Variants in CNTN6 observed in about 807,000 individuals in gnomAD.
The protein encoded by CNTN6 is contactin-6.
Under a neutral mutation model 122.8 loss-of-function variants are expected in CNTN6, and 137 were observed. The ratio of observed to expected loss-of-function variants is 1.12; its 90% CI spans 0.97 to 1.29. The LOEUF (loss-of-function observed/expected upper bound fraction) is 1.29, where lower values mean the gene tolerates loss of function less well. CNTN6 is among the 50% of genes most tolerant of loss of function. The pLI is 0.00. For missense variants in CNTN6, 1,634 were observed against 1,223.4 expected (o/e 1.34, Z -5.01); for synonymous variants, 570 against 426.0 (o/e 1.34, Z -4.16).
chr3:1,400,250 A>C (rs756759781), intron 20 of CNTN6, among the ~76,000 whole-genome samples: 19 of 152,106 alleles, frequency 1.2e-4, no homozygotes, highest in Non-Finnish European at 2.4e-4. Flanking sequence ...ATATCTCTCC[A>C]GTTTCAATCT....
chr3:1,147,928 C>CAAA lies in CNTN6; in HGVS notation c.-81_-80insAAA. 2.1e-6 allele frequency: 2 copies of CAAA among 944,466 alleles called. No homozygotes were observed. The highest frequency in any genetic ancestry group is 3.4e-6 in the Non-Finnish European group (2 of 594,880). 58.5% of individuals were successfully genotyped at this position (944,466 alleles called of 1,614,324 possible). On this transcript the variant is annotated splice_region_variant and 5_prime_UTR_variant, in exon 2 of 23. Transcript: ENST00000446702. Reference sequence around the variant, plus strand: ...TCATGACAATTTTGTCTTTTTCAGACTCTTGAGATACTGACTGGAAGATAG... The same window carrying CAAA: ...TCATGACAATTTTGTCTTTTTCAGACAAATCTTGAGATACTGACTGGAAGATAG...
intron 2 of CNTN6, among the ~76,000 whole-genome samples, chr3:1,202,498 G>A (rs1446668232): frequency 3.3e-5 from 5 of 150,744 alleles, no homozygotes; most frequent in East Asian, 3.9e-4. Flanking sequence ...CCAAGATGGC[G>A]CCACCGCCCT....
In CNTN6 at chr3:1,148,021, T is replaced by C. The variant is rs761068479; in HGVS notation, c.13T>C (p.Trp5Arg). ...TTAGAAAGTGGAAATGAGGTTGCTA[T>C]GGAAACTGGTAATTCTGCTGCCACT... is the stretch of plus-strand genomic sequence containing the variant. MRLL[W>R]KLVILLPLIN... The change falls in exon 2 of 23, where the codon TGG becomes CGG. Residue 5 changes from tryptophan to arginine, a missense_variant. Trp to Arg is a moderately radical substitution (Grantham distance 101). Transcript: ENST00000446702. 4.4e-6 allele frequency: 7 copies of C among 1,607,580 alleles called. No individual in the cohort carries two copies. The Admixed American group carries it at 5.0e-5, about 11-fold the overall frequency.
intron 2 of CNTN6, among the ~76,000 whole-genome samples, chr3:1,193,553 C>T (rs2125396047): frequency 6.6e-6 from 1 of 152,192 alleles, no homozygotes. Flanking sequence ...AATGGATGTT[C>T]CTGCATATTA....
intron 7 of CNTN6, among the ~76,000 whole-genome samples, chr3:1,307,647 G>A (rs979236925): frequency 1.3e-5 from 2 of 151,816 alleles, no homozygotes; most frequent in South Asian, 2.1e-4. Flanking sequence ...ATATTACATC[G>A]AGTTTTCTTG....
chr3:1,129,415 C>A (rs1162710433), intron 1 of CNTN6, among the ~76,000 whole-genome samples: 1 of 151,968 alleles, frequency 6.6e-6, no homozygotes, highest in African/African-American at 2.4e-5. Context: ...AAGTGAAATA[C>A]AGAAATTGTA....
chr3:1,353,851 G>A (rs1706085212), intron 12 of CNTN6, among the ~76,000 whole-genome samples: 2 of 151,542 alleles, frequency 1.3e-5, no homozygotes, highest in African/African-American at 4.8e-5. Flanking sequence ...AATCCAGAGG[G>A]CATTAAAACG....
intron 22 of CNTN6, among the ~76,000 whole-genome samples, 187 bp from the exon 23 acceptor site, chr3:1,403,131 A>G (rs1241621973): frequency 6.6e-6 from 1 of 152,138 alleles, no homozygotes; most frequent in Admixed American, 6.6e-5. Context: ...TTATACTTAA[A>G]TCAGATGTCC....
chr3:1,146,670 A>G (rs1055311717), intron 1 of CNTN6, among the ~76,000 whole-genome samples: 1 of 152,110 alleles, frequency 6.6e-6, no homozygotes, highest in Non-Finnish European at 1.5e-5. Flanking sequence ...AAAGGTAGAA[A>G]TGAAGGATTT....
intron 4 of CNTN6, among the ~76,000 whole-genome samples, chr3:1,275,912 G>T (rs2125778097): frequency 6.6e-6 from 1 of 152,254 alleles, no homozygotes; most frequent in East Asian, 1.9e-4. Context: ...TTTTGGGATT[G>T]GAGATCCCTG....
At chr3:1,306,108 C>A (rs1262128316) in intron 7 of CNTN6, among the ~76,000 whole-genome samples, 1 of 152,106 alleles carries the variant, frequency 6.6e-6, no homozygotes, top group African/African-American at 2.4e-5. Context: ...ACTCAGGTAT[C>A]TTAATGATTT....
chr3:1,353,572 T>G (rs1364349443), intron 12 of CNTN6, among the ~76,000 whole-genome samples: 1 of 151,736 alleles, frequency 6.6e-6, no homozygotes, highest in South Asian at 2.1e-4. Context: ...AAGACAGAGA[T>G]GGACTTAAGT....
At chr3:1,095,572 A>T (rs1198139525) in intron 1 of CNTN6, among the ~76,000 whole-genome samples, 1 of 152,242 alleles carries the variant, frequency 6.6e-6, no homozygotes, top group Non-Finnish European at 1.5e-5. Context: ...TTGAAACAAC[A>T]TTGAAGAAAT....
At chr3:1,387,785 CAAAG>C (rs755430774) in intron 20 of CNTN6, among the ~76,000 whole-genome samples, 22 of 152,162 alleles carry the variant, frequency 1.4e-4, no homozygotes, top group Admixed American at 2.0e-4. Flanking sequence ...CTTTCCAAGT[CAAAG>C]AAAGGGGTGA....
chr3:1,297,920 A>G lies in CNTN6; in HGVS notation c.690A>G (p.Glu230=), dbSNP rs1448236396. ...TGGGGGAATATGAACCAAAGATTGA[A>G]GTGCGTTTTCCTGAAACTATACAAG... ...GVMGEYEPKI[E]VRFPETIQAA... Residue 230 remains glutamate, a synonymous_variant, in exon 7 of 23, where the codon GAA becomes GAG. Coordinates refer to ENST00000446702, the MANE Select transcript of CNTN6 (RefSeq NM_001289080.2). 12 of 1,612,924 alleles carry G rather than the reference A, an allele frequency of 7.4e-6. No homozygotes were observed. The highest frequency in any genetic ancestry group is 1.0e-5 in the Non-Finnish European group (12 of 1,179,590).
intron 11 of CNTN6, among the ~76,000 whole-genome samples, chr3:1,331,675 G>A (rs919026561): frequency 2.6e-5 from 4 of 151,892 alleles, no homozygotes; most frequent in Admixed American, 2.0e-4. Flanking sequence ...TGAGGGTCTG[G>A]ACAAATTGAT....
At chr3:1,127,728 C>T (rs2092213401) in intron 1 of CNTN6, among the ~76,000 whole-genome samples, 1 of 151,860 alleles carries the variant, frequency 6.6e-6, no homozygotes, top group Non-Finnish European at 1.5e-5. Flanking sequence ...AATTTTTGCA[C>T]ACTGAGAAAA....
rs771133835 is a variant in CNTN6 at position 1,154,448 on chromosome 3, C to CTTTTTTTTTTT, written c.55+6387_55+6397dup. ...ATAATATTTTTCTTTTCTTTTCTTT[C>CTTTTTTTTTTT]TTTTTTTTTTTTGAGGTGGAGTTTT... On this transcript the variant is annotated intron_variant, in intron 2 of 22. Transcript: ENST00000446702. Among the ~76,000 whole-genome samples, 189 of 140,446 alleles carry CTTTTTTTTTTT rather than the reference C, an allele frequency of 1.3e-3. 2 individuals are homozygous for CTTTTTTTTTTT. The highest frequency in any genetic ancestry group is 2.3e-3 in the African/African-American group (85 of 36,300). 92.1% of individuals were successfully genotyped at this position (140,446 alleles called of 152,430 possible).
chr3:1,340,556 G>T (rs116698920), intron 11 of CNTN6, among the ~76,000 whole-genome samples: 6 of 152,272 alleles, frequency 3.9e-5, no homozygotes, highest in African/African-American at 1.4e-4. Flanking sequence ...GCAGGTTAAA[G>T]TCGCTAAGCC....
Sources: allele counts gnomAD v4.1 joint callset (sites outside exome capture counted in the v4.1 genomes callset), GRCh38; gene constraint gnomAD v4.1.1; transcripts MANE v1.5; gene names NCBI Gene and HGNC (gene_info 2026-07-23, HGNC 2026-07-21).